DLGAP1: variants seen among roughly 807,000 people sequenced by gnomAD.
The protein encoded by DLGAP1 is DLG associated protein 1.
In DLGAP1, 11 loss-of-function variants were observed where a neutral mutation model predicts 90.8. That is an observed-to-expected ratio of 0.12 (90% CI 0.08 to 0.20). The LOEUF (loss-of-function observed/expected upper bound fraction) is 0.20. Ranked by LOEUF, DLGAP1 falls within the 10% of genes least tolerant of loss-of-function variation. The pLI is 1.00. For missense variants in DLGAP1, 1,050 were observed against 1,333.8 expected (o/e 0.79, Z 3.31); for synonymous variants, 558 against 540.7 (o/e 1.03, Z -0.44).
At chr18:4,316,269 G>A (rs1461088807) in intron 1 of DLGAP1, among the ~76,000 whole-genome samples, 8 of 151,908 alleles carry the variant, frequency 5.3e-5, no homozygotes, top group East Asian at 1.9e-4. Context: ...GACAGTAACC[G>A]CCTATTAACT....
chr18:4,402,148 G>A (rs989277914), intron 1 of DLGAP1, among the ~76,000 whole-genome samples: 23 of 152,232 alleles, frequency 1.5e-4, no homozygotes, highest in Non-Finnish European at 2.4e-4. Context: ...CCCTTTTGGC[G>A]ATAACTGAAC....
chr18:3,802,184 C>T (rs2066333432), intron 5 of DLGAP1, among the ~76,000 whole-genome samples: 1 of 152,000 alleles, frequency 6.6e-6, no homozygotes, highest in South Asian at 2.1e-4. Context: ...GGGGTTTCAC[C>T]ATATTGGCCA....
At position 3,885,404 on chromosome 18, in the gene DLGAP1, A is replaced by T. The variant is rs183388935; in HGVS notation, c.-72-5264T>A. The T allele has an allele frequency of 1.4e-3, 206 of 152,338 alleles. 3 individuals carry two copies. The highest frequency in any genetic ancestry group is 4.8e-3 in the African/African-American group (198 of 41,588). 9.4% of individuals were successfully genotyped at this position (152,338 alleles called of 1,614,324 possible). On this transcript the variant is annotated intron_variant, in intron 3 of 12. Coordinates refer to ENST00000315677, the MANE Select transcript of DLGAP1 (RefSeq NM_004746.4). Reference sequence around the variant, plus strand: ...TATGATATATTGTGAGAGCCATGTCATAAGCCTTTTGGCCACTAGGGATTC... The same window carrying T: ...TATGATATATTGTGAGAGCCATGTCTTAAGCCTTTTGGCCACTAGGGATTC...
chr18:4,165,595 C>A lies in DLGAP1; in HGVS notation c.-266-14308G>T, dbSNP rs541200685. ...GAGTTTCATAAAATATATTTGATGA[C>A]TGAAAAAAATATTAAAATGCAATCT... On this transcript the variant is annotated intron_variant, in intron 1 of 12. Transcript: ENST00000315677. 3.2e-4 allele frequency among the ~76,000 whole-genome samples: 48 copies of A among 151,970 alleles called. No individual in the cohort carries two copies. The South Asian group carries it at 3.5e-3, about 11-fold the overall frequency.
intron 1 of DLGAP1, among the ~76,000 whole-genome samples, chr18:4,195,583 C>T (rs769622236): frequency 6.6e-6 from 1 of 151,942 alleles, no homozygotes; most frequent in African/African-American, 2.4e-5. Context: ...TGGAGTTTCG[C>T]TCTTGTTGCC....
At chr18:4,046,248 G>T (rs1183845292) in intron 2 of DLGAP1, among the ~76,000 whole-genome samples, 1 of 152,116 alleles carries the variant, frequency 6.6e-6, no homozygotes, top group African/African-American at 2.4e-5. Context: ...CTTATTTATT[G>T]GTAGAGCTTC....
intron 7 of DLGAP1, among the ~76,000 whole-genome samples, chr18:3,707,036 G>A (rs1206964201): frequency 6.6e-6 from 1 of 152,142 alleles, no homozygotes; most frequent in African/African-American, 2.4e-5. Flanking sequence ...ATGCAATTGT[G>A]GGTTACATGG....
chr18:4,276,597 C>A lies in DLGAP1; in HGVS notation c.-266-125310G>T, dbSNP rs148185216. Among the ~76,000 whole-genome samples, 270 of 151,642 alleles carry A rather than the reference C, an allele frequency of 1.8e-3. 1 individual carries two copies. Among genetic ancestry groups the A allele is most frequent in the African/African-American group, 5.7e-3 (236 of 41,314 alleles). On this transcript the variant is annotated intron_variant, in intron 1 of 12. Transcript: ENST00000315677. ...GTTGCAGTGAGCTAAGATCTCGCCACTGCACTCCAGCCTGGATGACAGAGC... is the reference window on the plus strand; with the variant it reads ...GTTGCAGTGAGCTAAGATCTCGCCAATGCACTCCAGCCTGGATGACAGAGC...
chr18:3,957,911 G>A (rs1312675381), intron 3 of DLGAP1, among the ~76,000 whole-genome samples: 1 of 112,002 alleles, frequency 8.9e-6, no homozygotes, highest in Admixed American at 9.2e-5. Flanking sequence ...TTTTTTTTTT[G>A]AGATGGAGTT....
intron 2 of DLGAP1, among the ~76,000 whole-genome samples, chr18:4,051,391 C>T (rs374292263): frequency 1.1e-4 from 16 of 152,312 alleles, no homozygotes; most frequent in African/African-American, 3.8e-4. Context: ...GAAGGGGAAG[C>T]AAGCATGTCT....
chr18:3,955,904 T>C (rs1395172936), intron 3 of DLGAP1, among the ~76,000 whole-genome samples: 6 of 151,802 alleles, frequency 4.0e-5, no homozygotes, highest in Non-Finnish European at 8.8e-5. Flanking sequence ...ATAAAACACA[T>C]AGAAAAAAGA....
chr18:4,076,198 T>C (rs2075520927), intron 2 of DLGAP1, among the ~76,000 whole-genome samples: 1 of 152,212 alleles, frequency 6.6e-6, no homozygotes, highest in African/African-American at 2.4e-5. Context: ...AAACACACCA[T>C]ATATTTTATT....
chr18:4,446,518 G>A (rs1178145888), intron 1 of DLGAP1, among the ~76,000 whole-genome samples: 2 of 152,054 alleles, frequency 1.3e-5, no homozygotes. Flanking sequence ...AAGAAATTAA[G>A]ACTAAGAGAA....
chr18:4,227,951 C>T (rs2078226461), intron 1 of DLGAP1, among the ~76,000 whole-genome samples: 1 of 151,686 alleles, frequency 6.6e-6, no homozygotes, highest in East Asian at 1.9e-4. Context: ...TGAGAAAACT[C>T]TTGCCAGACT....
intron 3 of DLGAP1, among the ~76,000 whole-genome samples, chr18:3,999,055 A>G (rs2074127430): frequency 6.6e-6 from 1 of 152,156 alleles, no homozygotes; most frequent in African/African-American, 2.4e-5. Context: ...AGTCAAATTT[A>G]CAAAACAAGT....
intron 1 of DLGAP1, among the ~76,000 whole-genome samples, chr18:4,423,823 CTAGTT>C (rs1265116998): frequency 7.6e-6 from 1 of 131,632 alleles, no homozygotes; most frequent in African/African-American, 2.9e-5. Context: ...GCATGAGACA[CTAGTT>C]AAGTGGAAAG....
At chr18:3,540,321 G>T (rs1199774973) in intron 9 of DLGAP1, among the ~76,000 whole-genome samples, 1 of 151,568 alleles carries the variant, frequency 6.6e-6, no homozygotes, top group Non-Finnish European at 1.5e-5. Context: ...ACAAAAATTA[G>T]CCTGACATGG....
At chr18:3,708,392 G>A (rs2061502020) in intron 7 of DLGAP1, 2 of 456,176 alleles carry the variant, frequency 4.4e-6, no homozygotes, top group Non-Finnish European at 8.8e-6. Context: ...TCACCAAGTT[G>A]AAGTTCATAT....
rs114592214 is a variant in DLGAP1, at chr18:4,227,361, T to G, written c.-266-76074A>C. Among the ~76,000 whole-genome samples, 634 of 152,112 alleles carry G rather than the reference T, an allele frequency of 4.2e-3. 5 individuals are homozygous for G. The highest frequency in any genetic ancestry group is 0.014 in the African/African-American group (601 of 41,550). On this transcript the variant is annotated intron_variant, in intron 1 of 12. Transcript: ENST00000315677. ...ACCTAGACCAAATGGACCTAATAGA[T>G]ATTTACAGAACATTTCATCCAACGG...
Sources: gnomAD v4.1 joint callset for allele counts (sites outside exome capture counted in the v4.1 genomes callset) on GRCh38, gnomAD v4.1.1 for gene constraint, MANE v1.5 for transcripts, NCBI Gene and HGNC (gene_info 2026-07-23, HGNC 2026-07-21) for gene names.